URB1: variants seen among roughly 807,000 people sequenced by gnomAD.
The protein encoded by URB1 is URB1 ribosome biogenesis factor.
URB1 carries 197 observed loss-of-function variants against 242.3 expected under a neutral mutation model. The observed-to-expected ratio is 0.81, with a 90% CI of 0.72 to 0.91. The LOEUF is 0.91. Among genes scored for constraint, URB1 ranks in the 40% least tolerant of loss-of-function variants. The pLI is 0.00. For synonymous variants in URB1, 1,153 were observed against 1,201.8 expected, an observed-to-expected ratio of 0.96 and a Z score of 0.84; for missense variants, 2,721 against 2,860.5, an observed-to-expected ratio of 0.95 and a Z score of 1.11.
At chr21:32,382,712 T>G (rs2033539953) in intron 4 of URB1, among the ~76,000 whole-genome samples, 1 of 152,054 alleles carries the variant, frequency 6.6e-6, no homozygotes, top group Non-Finnish European at 1.5e-5. Flanking sequence ...GGAGCTGATA[T>G]GGCAACCAGA....
chr21:32,392,021 C>CT (rs139613461), intron 1 of URB1, among the ~76,000 whole-genome samples: 23,335 of 151,060 alleles, frequency 0.15, 2,379 homozygotes, highest in African/African-American at 0.3. Context: ...AAGACCCTGT[C>CT]GTTTAAAAAA....
chr21:32,370,810 G>A (rs1408703308), intron 8 of URB1, among the ~76,000 whole-genome samples: 1 of 152,224 alleles, frequency 6.6e-6, no homozygotes, highest in African/African-American at 2.4e-5. Context: ...ACAACAGACT[G>A]TGTAGGCTGC....
intron 2 of URB1, among the ~76,000 whole-genome samples, chr21:32,384,937 C>T (rs1177193737): frequency 2.0e-5 from 3 of 152,052 alleles, no homozygotes; most frequent in South Asian, 4.1e-4. Context: ...GCCGAGACTG[C>T]GCCACTGCAC....
chr21:32,378,715 TA>T (rs2033488095), intron 4 of URB1, among the ~76,000 whole-genome samples, 174 bp from the exon 5 acceptor site: 1 of 152,190 alleles, frequency 6.6e-6, no homozygotes, highest in African/African-American at 2.4e-5. Flanking sequence ...CCATGGAAAG[TA>T]AAAAATTTTT....
At chr21:32,322,005 T>C (rs2032773361) in intron 33 of URB1, 61 bp from the exon 34 acceptor site, 1 of 1,530,268 alleles carries the variant, frequency 6.5e-7, no homozygotes, top group East Asian at 2.5e-5. Flanking sequence ...ATCTGACAAC[T>C]GTTCAAACAC....
At chr21:32,324,385 G>T (rs992876338) in intron 32 of URB1, 106 bp downstream of exon 32, 30 of 913,420 alleles carry the variant, frequency 3.3e-5, no homozygotes, top group Non-Finnish European at 4.8e-5. Context: ...GAGTGGCCTT[G>T]AACACAGATG....
intron 1 of URB1, among the ~76,000 whole-genome samples, chr21:32,387,624 A>G (rs2033597993): frequency 6.7e-6 from 1 of 149,864 alleles, no homozygotes; most frequent in African/African-American, 2.5e-5. Context: ...AAAAAAGCAG[A>G]GGAAGGGACT....
In URB1 at chr21:32,316,644, C is replaced by G. The variant is rs1568805894; in HGVS notation, c.6456G>C (p.Leu2152=). The part of the protein sequence containing the change: ...DSAVRSSIFR[L]YSRLCGAEGL... ...CCTCAGCCCCACAGAGCCGGCTATA[C>G]AGCCTGAATATGCTGCTCCTCACGG... The change falls in exon 38 of 39, where the codon CTG becomes CTC. Residue 2152 remains leucine, a synonymous_variant. Coordinates refer to ENST00000382751, the MANE Select transcript of URB1 (RefSeq NM_014825.3). The G allele has an allele frequency of 6.4e-7, 1 of 1,551,610 alleles. No homozygotes were observed. Among genetic ancestry groups the G allele is most frequent in the Admixed American group, 2.0e-5 (1 of 50,996 alleles).
rs891953596 is a variant in URB1 at position 32,349,428 on chromosome 21, C to T, written c.2888G>A (p.Arg963His). ...CAGCTGCTCACAGTGGACAACCAGG[C>T]GCCTGAGGAGATCCAGGAAGAGCTG... The part of the protein sequence containing the change: ...LLQLFLDLLR[R>H]LVVHCEQLDA... The change falls in exon 21 of 39, where the codon CGC becomes CAC. Residue 963 changes from arginine (R) to histidine (H), a missense_variant. Arg to His is a conservative substitution (Grantham distance 29). Transcript: ENST00000382751. 23 of 1,551,326 alleles carry T rather than the reference C, an allele frequency of 1.5e-5. No individual in the cohort carries two copies. The highest frequency in any genetic ancestry group is 5.5e-5 in the African/African-American group (4 of 73,156).
At chr21:32,336,687 A>G (rs2032963562) in intron 28 of URB1, among the ~76,000 whole-genome samples, 1 of 152,160 alleles carries the variant, frequency 6.6e-6, no homozygotes, top group South Asian at 2.1e-4. Flanking sequence ...GCATGCACAT[A>G]CAGACAAAAA....
intron 35 of URB1, 128 bp downstream of exon 35, chr21:32,320,403 C>T (rs929761096): frequency 2.8e-6 from 2 of 702,110 alleles, no homozygotes; most frequent in Non-Finnish European, 4.7e-6. Flanking sequence ...CATTGGAGGA[C>T]ACTGCATTTC....
chr21:32,366,554 C>G (rs1448797252), intron 10 of URB1, 64 bp downstream of exon 10: 30 of 1,542,106 alleles, frequency 1.9e-5, no homozygotes, highest in Non-Finnish European at 2.6e-5. Context: ...AGAATAATCA[C>G]ATCATGTAGC....
chr21:32,359,829 C>T lies in URB1; in HGVS notation c.1836G>A (p.Leu612=). The change falls in exon 14 of 39, where the codon CTG becomes CTA. Residue 612 remains leucine (L), a synonymous_variant. Coordinates refer to ENST00000382751, the MANE Select transcript of URB1 (RefSeq NM_014825.3). Reference sequence around the variant, plus strand: ...TTAACCACAGAAACTTGCTGGCCGGCAGCTCCAGGGCCACCTTCAGCATGT... The same window carrying T: ...TTAACCACAGAAACTTGCTGGCCGGTAGCTCCAGGGCCACCTTCAGCATGT... ...QHHMLKVALE[L]PASKFLWLKA... 1 of 1,546,810 alleles carries T rather than the reference C, an allele frequency of 6.5e-7. No individual in the cohort carries two copies. The highest frequency in any genetic ancestry group is 2.5e-5 in the East Asian group (1 of 40,616).
At position 32,363,149 on chromosome 21, in the gene URB1, A is replaced by G. The variant is rs2033307850; in HGVS notation, c.1509+7T>C. ...GAAGGAAAGCCCAAACCCAGATCAG[A>G]GCCTACCTTGCTCAGGGCTTCTCTG... On this transcript the variant is annotated splice_region_variant and intron_variant, in intron 11 of 38. Coordinates refer to ENST00000382751, the MANE Select transcript of URB1 (RefSeq NM_014825.3). 2 of 1,550,684 alleles carry G rather than the reference A, an allele frequency of 1.3e-6. No homozygotes were observed. Among genetic ancestry groups the G allele is most frequent in the Non-Finnish European group, 1.7e-6 (2 of 1,146,668 alleles).
intron 26 of URB1, 68 bp downstream of exon 26, chr21:32,338,639 C>T (rs2032991118): frequency 1.3e-6 from 2 of 1,514,514 alleles, no homozygotes; most frequent in South Asian, 1.2e-5. Flanking sequence ...AGCCTCAGTG[C>T]AGCCAGTGTA....
rs1168599009 is a variant in URB1 at position 32,317,616 on chromosome 21, C to T, written c.6034+60G>A. ...TGAGAGACAGAGAGAGAGGGAGGGA[C>T]GGACAGGGTGAGAGAGACATGTTGG... On this transcript the variant is annotated intron_variant, in intron 37 of 38. Coordinates refer to ENST00000382751, the MANE Select transcript of URB1 (RefSeq NM_014825.3). 6.5e-6 allele frequency: 10 copies of T among 1,527,082 alleles called. 1 individual carries two copies. The highest frequency in any genetic ancestry group is 6.2e-5 in the South Asian group (5 of 81,218). The allele number at this position is 1,527,082 out of a possible 1,614,324, so 94.6% of individuals were successfully genotyped here.
At chr21:32,378,189 T>C (rs371022737) in intron 5 of URB1, among the ~76,000 whole-genome samples, 75 of 152,326 alleles carry the variant, frequency 4.9e-4, no homozygotes, top group African/African-American at 1.7e-3. Flanking sequence ...AGTCTGCATT[T>C]ATCCTCTGTG....
chr21:32,334,803 G>C (rs1243899032), intron 28 of URB1, among the ~76,000 whole-genome samples: 1 of 152,128 alleles, frequency 6.6e-6, no homozygotes, highest in Admixed American at 6.5e-5. Flanking sequence ...GCAGAATTCT[G>C]ATCTCTCACT....
chr21:32,382,351 C>T (rs144516188), intron 4 of URB1, among the ~76,000 whole-genome samples: 246 of 152,298 alleles, frequency 1.6e-3, no homozygotes, highest in African/African-American at 5.7e-3. Flanking sequence ...AATTTGTTGA[C>T]ACATGGATAA....
Sources: allele counts gnomAD v4.1 joint callset (sites outside exome capture counted in the v4.1 genomes callset), GRCh38; gene constraint gnomAD v4.1.1; transcripts MANE v1.5; gene names NCBI Gene and HGNC (gene_info 2026-07-23, HGNC 2026-07-21).